Variants in NCKAP5 observed in about 807,000 individuals in gnomAD.
NCKAP5 encodes nck-associated protein 5.
A neutral mutation model predicts 167.0 loss-of-function variants in NCKAP5; 92 were observed. That is an observed-to-expected ratio of 0.55 (90% CI 0.47 to 0.66). The LOEUF is 0.66. NCKAP5 is among the 30% of genes least tolerant of loss of function. The probability of loss-of-function intolerance (pLI) is 0.00; values close to 1 mark genes in which losing one functional copy is unlikely to be tolerated. For synonymous variants in NCKAP5, 891 were observed against 877.4 expected (o/e 1.02, Z -0.27); for missense variants, 2,378 against 2,315.0 (o/e 1.03, Z -0.56).
At chr2:133,158,643 C>T (rs538322967) in intron 5 of NCKAP5, among the ~76,000 whole-genome samples, 1 of 152,164 alleles carries the variant, frequency 6.6e-6, no homozygotes, top group Non-Finnish European at 1.5e-5. Flanking sequence ...CCCATTACCT[C>T]ATTTATATGT....
chr2:133,393,724 T>G (rs1379462166), intron 3 of NCKAP5, among the ~76,000 whole-genome samples: 1 of 152,232 alleles, frequency 6.6e-6, no homozygotes, highest in Non-Finnish European at 1.5e-5. Flanking sequence ...TAAACAACTA[T>G]CTTCGCCCTT....
chr2:133,220,527 T>C (rs2086617470), intron 4 of NCKAP5, among the ~76,000 whole-genome samples: 2 of 152,174 alleles, frequency 1.3e-5, no homozygotes, highest in Non-Finnish European at 2.9e-5. Flanking sequence ...CTAAAGATCA[T>C]AAACAACATT....
At chr2:133,575,930 C>T in the NCKAP5 span, among the ~76,000 whole-genome samples, 2 of 152,356 alleles carry the variant, frequency 1.3e-5, no homozygotes, top group Non-Finnish European at 2.9e-5. Flanking sequence ...CACTCTCACT[C>T]CAAGCCAGAC....
chr2:133,376,181 C>T (rs1013799922), intron 3 of NCKAP5, among the ~76,000 whole-genome samples: 1 of 152,214 alleles, frequency 6.6e-6, no homozygotes, highest in Non-Finnish European at 1.5e-5. Flanking sequence ...GATTCCAATA[C>T]ATGATGGCTG....
At chr2:132,993,983 A>G (rs1246435514) in intron 7 of NCKAP5, among the ~76,000 whole-genome samples, 169 bp downstream of exon 7, 1 of 152,212 alleles carries the variant, frequency 6.6e-6, no homozygotes, top group Non-Finnish European at 1.5e-5. Context: ...AAATGAATGA[A>G]TTGAATAAAC....
At chr2:133,568,978 T>C (rs1558793067), upstream of NCKAP5, among the ~76,000 whole-genome samples, 1 of 152,188 alleles carries the variant, frequency 6.6e-6, no homozygotes, top group African/African-American at 2.4e-5. Flanking sequence ...AAGGGATCCT[T>C]GAAATCACAG....
chr2:132,801,426 T>C (rs1173182507), intron 11 of NCKAP5, among the ~76,000 whole-genome samples: 2 of 152,164 alleles, frequency 1.3e-5, no homozygotes, highest in Non-Finnish European at 2.9e-5. Context: ...TATGTGTACA[T>C]AGGTGCACAC....
chr2:133,032,164 T>C (rs1355423361), intron 6 of NCKAP5, among the ~76,000 whole-genome samples: 1 of 152,098 alleles, frequency 6.6e-6, no homozygotes, highest in East Asian at 1.9e-4. Context: ...CCAAGCAGGC[T>C]CTTGGGTTTC....
At chr2:133,151,193 T>TA (rs2083373707) in intron 5 of NCKAP5, among the ~76,000 whole-genome samples, 3 of 152,288 alleles carry the variant, frequency 2.0e-5, no homozygotes, top group Admixed American at 6.5e-5. Flanking sequence ...AAAAGTTTTT[T>TA]TAAAAAAACA....
intron 11 of NCKAP5, among the ~76,000 whole-genome samples, chr2:132,817,900 A>G (rs906806344): frequency 1.3e-5 from 2 of 152,180 alleles, no homozygotes; most frequent in African/African-American, 4.8e-5. Context: ...ATCAAATATA[A>G]ATCAAATTTA....
At chr2:133,047,323 T>C (rs1483640666) in intron 6 of NCKAP5, among the ~76,000 whole-genome samples, 1 of 152,210 alleles carries the variant, frequency 6.6e-6, no homozygotes, top group Non-Finnish European at 1.5e-5. Context: ...CAGAATGTAA[T>C]GCCTGCTCAT....
chr2:132,903,250 C>T (rs545732061), intron 8 of NCKAP5, among the ~76,000 whole-genome samples: 2 of 152,304 alleles, frequency 1.3e-5, no homozygotes, highest in South Asian at 2.1e-4. Context: ...CTCAGTCCCA[C>T]CAGACACATT....
intron 4 of NCKAP5, among the ~76,000 whole-genome samples, chr2:133,228,756 C>T (rs2087008821): frequency 6.6e-6 from 1 of 152,052 alleles, no homozygotes; most frequent in South Asian, 2.1e-4. Context: ...GAAGACTGTT[C>T]AAAATAACAA....
intron 7 of NCKAP5, among the ~76,000 whole-genome samples, chr2:132,964,408 C>T (rs529329417): frequency 7.9e-5 from 12 of 152,182 alleles, no homozygotes; most frequent in African/African-American, 2.6e-4. Flanking sequence ...TCCCTCAGTC[C>T]CTTTCTGTAA....
At chr2:133,462,292 T>C (rs1414869492) in intron 3 of NCKAP5, among the ~76,000 whole-genome samples, 3 of 152,172 alleles carry the variant, frequency 2.0e-5, no homozygotes, top group Non-Finnish European at 4.4e-5. Context: ...CATGATAAAG[T>C]TGTCAGAGTG....
chr2:132,680,438 C>T (rs948383110), intron 19 of NCKAP5, among the ~76,000 whole-genome samples: 3 of 152,014 alleles, frequency 2.0e-5, no homozygotes, highest in African/African-American at 2.4e-5. Context: ...TTACTGTGAT[C>T]GATGGTCCTC....
intron 11 of NCKAP5, among the ~76,000 whole-genome samples, chr2:132,798,920 A>T (rs1324097900): frequency 6.6e-6 from 1 of 152,190 alleles, no homozygotes; most frequent in African/African-American, 2.4e-5. Flanking sequence ...CCAAAGGAAA[A>T]TCCATCATTC....
At chr2:133,382,544 T>C (rs559319042) in intron 3 of NCKAP5, among the ~76,000 whole-genome samples, 1 of 152,280 alleles carries the variant, frequency 6.6e-6, no homozygotes, top group South Asian at 2.1e-4. Context: ...TCACTTCCCC[T>C]GCTCCTCATA....
chr2:132,736,676 A>G (rs1403751986), intron 16 of NCKAP5, among the ~76,000 whole-genome samples: 3 of 152,102 alleles, frequency 2.0e-5, no homozygotes, highest in Non-Finnish European at 4.4e-5. Context: ...AGTCCCAGCT[A>G]CTTGGGAGGC....
Sources: allele counts gnomAD v4.1 joint callset (sites outside exome capture counted in the v4.1 genomes callset), GRCh38; gene constraint gnomAD v4.1.1; transcripts MANE v1.5; gene names NCBI Gene and HGNC (gene_info 2026-07-23, HGNC 2026-07-21).